ARHGEF17: variants seen among roughly 807,000 people sequenced by gnomAD.
ARHGEF17 encodes the protein 164 kDa Rho-specific guanine-nucleotide exchange factor.
In ARHGEF17, 80 loss-of-function variants were observed where a neutral mutation model predicts 174.0. That is an observed-to-expected ratio of 0.46 (90% confidence interval 0.38 to 0.55). The LOEUF (loss-of-function observed/expected upper bound fraction) is 0.55, where lower values mean the gene tolerates loss of function less well. Among genes scored for constraint, ARHGEF17 ranks in the 20% least tolerant of loss-of-function variants. The pLI, the probability that ARHGEF17 is intolerant of heterozygous loss-of-function variation, is 0.00. For missense variants in ARHGEF17, 2,886 were observed against 2,839.7 expected, an observed-to-expected ratio of 1.02 and a Z score of -0.37; for synonymous variants, 1,311 against 1,189.1, an observed-to-expected ratio of 1.10 and a Z score of -2.11.
chr11:73,348,037 A>G (rs907734139), intron 2 of ARHGEF17, among the ~76,000 whole-genome samples: 1 of 152,184 alleles, frequency 6.6e-6, no homozygotes, highest in Non-Finnish European at 1.5e-5. Context: ...GAACCTGGGA[A>G]GGCCCACAGC....
intron 1 of ARHGEF17, among the ~76,000 whole-genome samples, chr11:73,335,288 G>C (rs1185230246): frequency 1.3e-5 from 2 of 152,170 alleles, no homozygotes; most frequent in Non-Finnish European, 1.5e-5. Context: ...AGAAGATCTG[G>C]GTTCTGGTTT....
At chr11:73,340,281 C>T (rs1001810604) in intron 1 of ARHGEF17, among the ~76,000 whole-genome samples, 1 of 152,214 alleles carries the variant, frequency 6.6e-6, no homozygotes, top group African/African-American at 2.4e-5. Context: ...GAAGCAGCAG[C>T]AGCAAGCAGT....
chr11:73,356,474 G>T, intron 6 of ARHGEF17, 123 bp downstream of exon 6: 1 of 1,299,552 alleles, frequency 7.7e-7, no homozygotes, highest in Admixed American at 2.1e-5. Flanking sequence ...ACCACAGTGT[G>T]TTTGCATCCA....
chr11:73,308,561 G>A lies in ARHGEF17; in HGVS notation c.-78G>A. On this transcript the variant is annotated 5_prime_UTR_variant, in exon 1 of 21. Coordinates refer to ENST00000263674, the MANE Select transcript of ARHGEF17 (RefSeq NM_014786.4). ...CGCTGCTTTCGGCGTGGGCCGCTGC[G>A]CTCCTAGGGAGTGGGGGCGCAGGGG... is the stretch of plus-strand genomic sequence containing the variant. 4.0e-6 allele frequency: 5 copies of A among 1,257,172 alleles called. No individual in the cohort carries two copies. Among genetic ancestry groups the A allele is most frequent in the Non-Finnish European group, 5.1e-6 (5 of 971,916 alleles). The allele number at this position is 1,257,172 out of a possible 1,614,324, so 77.9% of individuals were successfully genotyped here.
At position 73,310,277 on chromosome 11, in the gene ARHGEF17, T is replaced by C. The variant is rs1409308378; in HGVS notation, c.1639T>C (p.Phe547Leu). Residue 547 changes from phenylalanine (F) to leucine (L), a missense_variant, in exon 1 of 21, where the codon TTC (phenylalanine) becomes CTC (leucine). Phe to Leu is a conservative substitution (Grantham distance 22). This residue lies in a region of ARHGEF17 where 1,728 missense variants were observed against 1,461.2 expected (regional missense o/e 1.18). Transcript: ENST00000263674. ...AGCCACTCTGCGGAGAGCAAAGTCA[T>C]TCACCTGCTCTGAGAAGCCCATGGC... ...LTATLRRAKS[F>L]TCSEKPMARR... 6.2e-7 allele frequency: 1 copy of C among 1,613,904 alleles called. No homozygotes were observed. The highest frequency in any genetic ancestry group is 8.5e-7 in the Non-Finnish European group (1 of 1,180,036).
At chr11:73,329,357 ATATATATATATATATAT>A (rs1425035724) in intron 1 of ARHGEF17, among the ~76,000 whole-genome samples, 139 of 4,132 alleles carry the variant, frequency 0.034, 11 homozygotes, top group Non-Finnish European at 0.054. Flanking sequence ...ATATATATAT[ATATATATATATATATAT>A]TTTTTTTTTT....
rs1865707199 is a variant in ARHGEF17, at chr11:73,359,844, A to C, written c.4098A>C (p.Gln1366His). The change falls in exon 10 of 21, where the codon CAA becomes CAC. Residue 1366 changes from glutamine to histidine, a missense_variant. Gln to His is a conservative substitution (Grantham distance 24). Around this residue, in one of 4 missense-constraint regions of ARHGEF17, gnomAD observed 353 missense variants for 470.3 expected, o/e 0.75. Coordinates refer to ENST00000263674, the MANE Select transcript of ARHGEF17 (RefSeq NM_014786.4). The stretch of plus-strand genomic sequence containing the variant: ...CCTCTCTCCCTCTAGGGGCATCCCA[A>C]GCCACCAATCGGGAGAACATCCAGA... ...EDADIIKGAS[Q>H]ATNRENIQKA... 2 of 1,609,152 alleles carry C rather than the reference A, an allele frequency of 1.2e-6. No individual in the cohort carries two copies. Among genetic ancestry groups the C allele is most frequent in the East Asian group, 4.5e-5 (2 of 44,792 alleles).
In ARHGEF17 at chr11:73,309,810, G is replaced by C. The variant is rs1040542482; in HGVS notation, c.1172G>C (p.Ser391Thr). The C allele has an allele frequency of 6.2e-7, 1 of 1,613,150 alleles. No individual in the cohort carries two copies. Among genetic ancestry groups the C allele is most frequent in the Non-Finnish European group, 8.5e-7 (1 of 1,180,002 alleles). The part of the protein sequence containing the change: ...LASPAGSRGS[S>T]RYSSTETLKD... ...AGCCCCGCAGGCTCCCGCGGTAGCAGCCGTTATTCCAGCACGGAGACCCTC... is the reference window on the plus strand; with the variant it reads ...AGCCCCGCAGGCTCCCGCGGTAGCACCCGTTATTCCAGCACGGAGACCCTC... Residue 391 changes from serine (S) to threonine (T), a missense_variant, in exon 1 of 21, where the codon AGC (serine) becomes ACC (threonine). Physicochemically the swap from Ser to Thr is moderately conservative, Grantham distance 58. Coordinates refer to ENST00000263674, the MANE Select transcript of ARHGEF17 (RefSeq NM_014786.4).
chr11:73,320,242 C>T lies in ARHGEF17; in HGVS notation c.3192+8412C>T, dbSNP rs763356512. Among the ~76,000 whole-genome samples, 24 of 152,062 alleles carry T rather than the reference C, an allele frequency of 1.6e-4. 1 individual carries two copies. Among genetic ancestry groups the T allele is most frequent in the Admixed American group, 7.2e-4 (11 of 15,278 alleles). ...CTGTCCAGAATGCTGTCTCCCCGCACGCTGGCTTTCAGACCCAGGCAAGCA... is the reference window on the plus strand; with the variant it reads ...CTGTCCAGAATGCTGTCTCCCCGCATGCTGGCTTTCAGACCCAGGCAAGCA... On this transcript the variant is annotated intron_variant, in intron 1 of 20. Transcript: ENST00000263674.
Position 73,361,069 on chromosome 11 carries a change from C to G in ARHGEF17, c.4421-19C>G. On this transcript the variant is annotated intron_variant, in intron 11 of 20. Transcript: ENST00000263674. ...GCTATGCTAAGCAGGGTCCGTCTGT[C>G]TGTCCATCTCCACTACAGCATCCAG... 1 of 1,606,288 alleles carries G rather than the reference C, an allele frequency of 6.2e-7. No individual in the cohort carries two copies. The highest frequency in any genetic ancestry group is 8.5e-7 in the Non-Finnish European group (1 of 1,173,272).
intron 1 of ARHGEF17, among the ~76,000 whole-genome samples, chr11:73,319,629 C>T (rs1259725300): frequency 6.6e-6 from 1 of 152,238 alleles, no homozygotes; most frequent in African/African-American, 2.4e-5. Context: ...GGGGCAGAAC[C>T]TTCGAACTCA....
Position 73,336,899 on chromosome 11 carries a change from G to A in ARHGEF17, c.3193-9984G>A, listed in dbSNP as rs574361990. Among the ~76,000 whole-genome samples the A allele has an allele frequency of 5.9e-5, 9 of 152,354 alleles. No homozygotes were observed. The South Asian group carries it at 1.9e-3, about 32-fold the overall frequency. ...CTGTCAGCTGGCATACCTACACATG[G>A]CCCCTGCATGTGGCCTGGGCTTCCC... On this transcript the variant is annotated intron_variant, in intron 1 of 20. Transcript: ENST00000263674.
chr11:73,328,499 G>A (rs1865139695), intron 1 of ARHGEF17, among the ~76,000 whole-genome samples: 1 of 152,202 alleles, frequency 6.6e-6, no homozygotes, highest in South Asian at 2.1e-4. Flanking sequence ...GAAGCTCAAA[G>A]CCCAGCCCTG....
At chr11:73,345,968 A>T (rs12282282) in intron 1 of ARHGEF17, among the ~76,000 whole-genome samples, 5 of 151,576 alleles carry the variant, frequency 3.3e-5, no homozygotes, top group African/African-American at 9.7e-5. Flanking sequence ...GGGGATTTTG[A>T]GGGGAGAGGT....
rs1386568799 is a variant in ARHGEF17 at position 73,317,411 on chromosome 11, AAGGCCC to A, written c.3192+5582_3192+5587del. ...GGCTCAGAGTGGGCAGGGTCTGCCC[AAGGCCC>A]CAAAGCTTGAGTATGGGATTTGGCT... On this transcript the variant is annotated intron_variant, in intron 1 of 20. Transcript: ENST00000263674. Among the ~76,000 whole-genome samples, 135 of 152,318 alleles carry A rather than the reference AAGGCCC, an allele frequency of 8.9e-4. 1 individual carries two copies. Among genetic ancestry groups the A allele is most frequent in the Non-Finnish European group, 1.5e-3 (101 of 68,018 alleles).
chr11:73,346,712 T>C (rs1865466128), intron 1 of ARHGEF17, among the ~76,000 whole-genome samples, 171 bp from the exon 2 acceptor site: 1 of 148,750 alleles, frequency 6.7e-6, no homozygotes, highest in East Asian at 2.0e-4. Context: ...CCTGGCAGAG[T>C]GGAGGGCCTG....
intron 18 of ARHGEF17, chr11:73,364,949 C>G (rs986491310): frequency 2.2e-5 from 7 of 314,268 alleles, no homozygotes; most frequent in Non-Finnish European, 4.1e-5. Flanking sequence ...GCACATGTCA[C>G]TTGCACACAT....
intron 11 of ARHGEF17, 32 bp downstream of exon 11, chr11:73,360,565 C>T: frequency 6.2e-7 from 1 of 1,610,752 alleles, no homozygotes; most frequent in South Asian, 1.1e-5. Flanking sequence ...CCCTCTCCTC[C>T]TAGAGCTTCC....
At chr11:73,325,901 C>G (rs955272098) in intron 1 of ARHGEF17, among the ~76,000 whole-genome samples, 3 of 152,256 alleles carry the variant, frequency 2.0e-5, no homozygotes, top group Non-Finnish European at 2.9e-5. Flanking sequence ...GACAGCCCAG[C>G]CATTTGACTG....
Sources: gnomAD v4.1 joint callset for allele counts (sites outside exome capture counted in the v4.1 genomes callset) on GRCh38, gnomAD v4.1.1 for gene constraint, gnomAD v4.1.1 regional missense constraint, MANE v1.5 for transcripts, NCBI Gene and HGNC (gene_info 2026-07-23, HGNC 2026-07-21) for gene names.